Variants in LRP5 observed in about 807,000 individuals in gnomAD.
The protein encoded by LRP5 is LDL receptor related protein 5.
LRP5 carries 62 observed loss-of-function variants against 154.1 expected under a neutral mutation model. The ratio of observed to expected loss-of-function variants is 0.40; its 90% CI spans 0.33 to 0.50. The LOEUF is 0.50. Ranked by LOEUF, LRP5 falls within the 20% of genes least tolerant of loss-of-function variation. The probability of loss-of-function intolerance (pLI) is 0.55; values close to 1 mark genes in which losing one functional copy is unlikely to be tolerated. For synonymous variants in LRP5, 966 were observed against 1,011.5 expected, an observed-to-expected ratio of 0.96 and a Z score of 0.85; for missense variants, 1,915 against 2,336.7, an observed-to-expected ratio of 0.82 and a Z score of 3.72.
At chr11:68,444,099 C>T (rs1459201785) in intron 21 of LRP5, among the ~76,000 whole-genome samples, 7 of 152,066 alleles carry the variant, frequency 4.6e-5, no homozygotes, top group Non-Finnish European at 7.4e-5. Flanking sequence ...GTGAATTAGT[C>T]GGGGTCTATC....
intron 5 of LRP5, among the ~76,000 whole-genome samples, chr11:68,382,470 G>T (rs1014680276): frequency 4.6e-5 from 7 of 152,204 alleles, no homozygotes; most frequent in Non-Finnish European, 8.8e-5. Flanking sequence ...ACCCTAGTCT[G>T]CCTTCACAGT....
intron 21 of LRP5, among the ~76,000 whole-genome samples, chr11:68,441,358 G>A (rs554307115): frequency 1.4e-4 from 21 of 152,314 alleles, no homozygotes; most frequent in African/African-American, 3.9e-4. Flanking sequence ...GATTACAGGC[G>A]TGAGCCACCG....
Position 68,421,582 on chromosome 11 carries a change from A to G in LRP5, c.3028-1907A>G, listed in dbSNP as rs982309741. Among the ~76,000 whole-genome samples the G allele has an allele frequency of 1.6e-4, 24 of 152,236 alleles. 1 individual carries two copies. Among genetic ancestry groups the G allele is most frequent in the African/African-American group, 5.8e-4 (24 of 41,540 alleles). ...AGTTGGCTTTGACACATGGCCCCCTAGGGTCCACAGCTCTGTAGTGATGTG... is the reference window on the plus strand; with the variant it reads ...AGTTGGCTTTGACACATGGCCCCCTGGGGTCCACAGCTCTGTAGTGATGTG... On this transcript the variant is annotated intron_variant, in intron 13 of 22. Coordinates refer to ENST00000294304, the MANE Select transcript of LRP5 (RefSeq NM_002335.4).
rs1259585806 is a variant in LRP5, at chr11:68,386,477, G to A, written c.1177G>A (p.Glu393Lys). Residue 393 changes from glutamate (E) to lysine (K), a missense_variant, in exon 6 of 23, where the codon GAG (glutamate) becomes AAG (lysine). Physicochemically the swap from Glu to Lys is moderately conservative, Grantham distance 56. Around this residue, in one of 3 missense-constraint regions of LRP5, gnomAD observed 773 missense variants for 1,100.9 expected, o/e 0.70. Coordinates refer to ENST00000294304, the MANE Select transcript of LRP5 (RefSeq NM_002335.4). This position sits in a 1 kb window ranked among gnomAD's most constrained non-coding sequence, Gnocchi z 7.9. The part of the protein sequence containing the change: ...LEGYVYWTDD[E>K]VRAIRRAYLD... ...GGGCTATGTCTACTGGACAGATGACGAGGTGCGGGCCATCCGCAGGGCGTA... is the reference window on the plus strand; with the variant it reads ...GGGCTATGTCTACTGGACAGATGACAAGGTGCGGGCCATCCGCAGGGCGTA... 3.1e-6 allele frequency: 5 copies of A among 1,613,994 alleles called. No homozygotes were observed. The highest frequency in any genetic ancestry group is 2.7e-5 in the African/African-American group (2 of 74,934).
chr11:68,416,571 G>T (rs141235555), intron 13 of LRP5, 44 bp downstream of exon 13: 36 of 1,583,252 alleles, frequency 2.3e-5, no homozygotes, highest in Non-Finnish European at 3.0e-5. Context: ...TTCCCAAGGC[G>T]CTCCTCTTGC....
Position 68,441,226 on chromosome 11 carries a change from C to T in LRP5, c.4488+1310C>T, listed in dbSNP as rs1337708422. On this transcript the variant is annotated intron_variant, in intron 21 of 22. Coordinates refer to ENST00000294304, the MANE Select transcript of LRP5 (RefSeq NM_002335.4). ...CTAAGTAGCTAGGACTGCACGCATG[C>T]ATCCCCATGCCCAGCTAATATTTAC... Among the ~76,000 whole-genome samples the T allele has an allele frequency of 2.0e-5, 3 of 152,264 alleles. No individual in the cohort carries two copies. In the East Asian group the frequency reaches 5.8e-4, roughly 29 times the overall value.
intron 5 of LRP5, among the ~76,000 whole-genome samples, chr11:68,384,843 T>C (rs2098642139): frequency 6.6e-6 from 1 of 152,150 alleles, no homozygotes; most frequent in Non-Finnish European, 1.5e-5. Flanking sequence ...TCTCCGTGCG[T>C]CCTGTGGAGT....
chr11:68,446,253 C>T (rs997800849), intron 21 of LRP5, among the ~76,000 whole-genome samples, 183 bp from the exon 22 acceptor site: 5 of 152,228 alleles, frequency 3.3e-5, no homozygotes, highest in African/African-American at 7.2e-5. Context: ...AGATGACCTT[C>T]GGGGCAGGTG....
intron 18 of LRP5, among the ~76,000 whole-genome samples, chr11:68,435,631 A>T (rs2098674437): frequency 6.6e-6 from 1 of 152,124 alleles, no homozygotes; most frequent in South Asian, 2.1e-4. Flanking sequence ...CCATGACCCA[A>T]ACACTGCCCA....
chr11:68,409,869 G>T (rs2098658431), intron 9 of LRP5, 45 bp from the exon 10 acceptor site: 1 of 1,355,088 alleles, frequency 7.4e-7, no homozygotes. Context: ...AAAAAAAGAT[G>T]CTGGTTCCTA....
intron 21 of LRP5, chr11:68,445,480 C>T (rs1007437152): frequency 1.2e-5 from 7 of 566,568 alleles, no homozygotes; most frequent in African/African-American, 3.8e-5. Context: ...GTCTGTCTGG[C>T]GTGAAAGGCA....
In LRP5 at chr11:68,403,617, G is replaced by A; in HGVS notation, c.1719G>A (p.Lys573=). 6.2e-7 allele frequency: 1 copy of A among 1,614,208 alleles called. No individual in the cohort carries two copies. Among genetic ancestry groups the A allele is most frequent in the Non-Finnish European group, 8.5e-7 (1 of 1,180,050 alleles). ...WQRRSIERVH[K]VKASRDVIID... ...GCCGCAGCATCGAGCGGGTGCACAAGGTCAAGGCCAGCCGGGACGTCATCA... is the reference window on the plus strand; with the variant it reads ...GCCGCAGCATCGAGCGGGTGCACAAAGTCAAGGCCAGCCGGGACGTCATCA... The change falls in exon 8 of 23, where the codon AAG becomes AAA. Residue 573 remains lysine (K), a synonymous_variant. Transcript: ENST00000294304.
chr11:68,401,831 G>A (rs1258970305), intron 7 of LRP5, among the ~76,000 whole-genome samples: 1 of 152,190 alleles, frequency 6.6e-6, no homozygotes, highest in African/African-American at 2.4e-5. Context: ...TGGGATTACA[G>A]GTGTGTGCCG....
intron 16 of LRP5, among the ~76,000 whole-genome samples, chr11:68,428,765 A>G (rs1339389906): frequency 7.0e-6 from 1 of 143,660 alleles, no homozygotes; most frequent in Non-Finnish European, 1.5e-5. Context: ...GGGGGGCACT[A>G]TCCAACCCCT....
At chr11:68,401,651 C>G (rs537005564) in intron 7 of LRP5, among the ~76,000 whole-genome samples, 2 of 152,134 alleles carry the variant, frequency 1.3e-5, no homozygotes, top group East Asian at 3.9e-4. Context: ...CGGGGCCTGG[C>G]TTTGGGTCCC....
chr11:68,298,577 C>T, the LRP5 span, among the ~76,000 whole-genome samples: 2 of 152,208 alleles, frequency 1.3e-5, no homozygotes, highest in African/African-American at 4.8e-5. Flanking sequence ...AGGGTCTGTT[C>T]CTCACTGCGC....
intron 5 of LRP5, among the ~76,000 whole-genome samples, chr11:68,381,986 C>T (rs145005404): frequency 6.9e-4 from 105 of 152,342 alleles, no homozygotes; most frequent in African/African-American, 2.4e-3. Context: ...GGACAGAGTC[C>T]CCACCACCAC....
At position 68,386,756 on chromosome 11, in the gene LRP5, A is replaced by G; in HGVS notation, c.1412+44A>G. 6.3e-7 allele frequency: 1 copy of G among 1,590,782 alleles called. No homozygotes were observed. Among genetic ancestry groups the G allele is most frequent in the Non-Finnish European group, 8.6e-7 (1 of 1,167,198 alleles). On this transcript the variant is annotated intron_variant, in intron 6 of 22. Coordinates refer to ENST00000294304, the MANE Select transcript of LRP5 (RefSeq NM_002335.4). The surrounding 1 kb of genome is among the most constrained non-coding windows in gnomAD (Gnocchi z 7.9). ...GGGGCCTGGAGCCAGGGCCAGGCCA[A>G]GCACAGGCGAGAGGGAGATTGACCT...
At chr11:68,448,743 G>T (rs908213262) in intron 22 of LRP5, 66 bp from the exon 23 acceptor site, 54 of 1,590,260 alleles carry the variant, frequency 3.4e-5, no homozygotes, top group Non-Finnish European at 4.3e-6. Flanking sequence ...ACAGCCCCGG[G>T]GCTGCTGTGC....
Sources: gnomAD v4.1 joint callset for allele counts (sites outside exome capture counted in the v4.1 genomes callset) on GRCh38, gnomAD v4.1.1 for gene constraint, gnomAD v4.1.1 regional missense constraint, Gnocchi (gnomAD v3.1) non-coding constraint, MANE v1.5 for transcripts, NCBI Gene and HGNC (gene_info 2026-07-23, HGNC 2026-07-21) for gene names.